The following ZNF775 variants were observed in gnomAD, a reference collection of about 807,000 sequenced individuals.
ZNF775 encodes zinc finger protein 775.
In ZNF775, 1 loss-of-function variant was observed where a neutral mutation model predicts 2.4. The ratio of observed to expected loss-of-function variants is 0.41; its 90% CI spans 0.15 to 1.94. The LOEUF is 1.94. Among genes scored for constraint, ZNF775 ranks in the 30% most tolerant of loss-of-function variants. The pLI is 0.30. For missense variants in ZNF775, 823 were observed against 826.6 expected (o/e 1.00, Z 0.05); for synonymous variants, 381 against 373.3 (o/e 1.02, Z -0.24).
chr7:150,388,549 A>T, intron 2 of ZNF775, 48 bp downstream of exon 2: 3 of 1,549,530 alleles, frequency 1.9e-6, no homozygotes, highest in Non-Finnish European at 2.6e-6. Context: ...TCCTCTGCTG[A>T]GGTCACGTGC....
chr7:150,395,428 C>A (rs1448832646), intron 2 of ZNF775, among the ~76,000 whole-genome samples: 1 of 152,104 alleles, frequency 6.6e-6, no homozygotes, highest in Non-Finnish European at 1.5e-5. Context: ...TACATGTAAA[C>A]CTTTTTGGAA....
chr7:150,385,860 G>C (rs1270020218), intron 1 of ZNF775, among the ~76,000 whole-genome samples: 1 of 152,210 alleles, frequency 6.6e-6, no homozygotes, highest in Admixed American at 6.5e-5. Context: ...ATGGAGACTG[G>C]GAGGCAGGGG....
intron 1 of ZNF775, among the ~76,000 whole-genome samples, chr7:150,381,957 G>T (rs1218800194): frequency 7.4e-6 from 1 of 135,198 alleles, no homozygotes; most frequent in African/African-American, 2.6e-5. Flanking sequence ...GTGGGTCATG[G>T]GGGGTGGGAC....
At chr7:150,383,149 G>A (rs1312467208) in intron 1 of ZNF775, among the ~76,000 whole-genome samples, 1 of 152,200 alleles carries the variant, frequency 6.6e-6, no homozygotes, top group Non-Finnish European at 1.5e-5. Context: ...GTATCTGGGT[G>A]TGTTTGTGTG....
At position 150,384,135 on chromosome 7, in the gene ZNF775, G is replaced by T. The variant is rs981630559; in HGVS notation, c.-49-4287G>T. 1.3e-5 allele frequency among the ~76,000 whole-genome samples: 2 copies of T among 152,220 alleles called. No individual in the cohort carries two copies. The highest frequency in any genetic ancestry group is 4.8e-5 in the African/African-American group (2 of 41,450). On this transcript the variant is annotated intron_variant, in intron 1 of 2. Coordinates refer to ENST00000329630, the MANE Select transcript of ZNF775 (RefSeq NM_173680.4). The surrounding 1 kb of genome is among the most constrained non-coding windows in gnomAD (Gnocchi z 4.1). ...TCTTAACTGAACTGCAGCCTGACCC[G>T]GTGCGCGGAGGGCCGGGCCAGGGCC...
chr7:150,388,425 G>A lies in ZNF775; in HGVS notation c.-46G>A, dbSNP rs1365234112. On this transcript the variant is annotated 5_prime_UTR_variant, in exon 2 of 3. Transcript: ENST00000329630. ...CTTCTGCTTCTCTTTCTGACAGATG[G>A]CAGGAAAGGGACACAGCCGGCGCTG... 2 of 1,551,116 alleles carry A rather than the reference G, an allele frequency of 1.3e-6. No individual in the cohort carries two copies. Among genetic ancestry groups the A allele is most frequent in the Admixed American group, 2.0e-5 (1 of 50,960 alleles).
At chr7:150,388,294 T>C in intron 1 of ZNF775, 128 bp from the exon 2 acceptor site, 1 of 653,614 alleles carries the variant, frequency 1.5e-6, no homozygotes, top group Non-Finnish European at 2.7e-6. Flanking sequence ...CCATGTCGAA[T>C]GTGGCTATGG....
At position 150,398,155 on chromosome 7, in the gene ZNF775, G is replaced by T; in HGVS notation, c.*60G>T. The T allele has an allele frequency of 3.9e-6, 6 of 1,523,090 alleles. No individual in the cohort carries two copies. The highest frequency in any genetic ancestry group is 5.3e-6 in the Non-Finnish European group (6 of 1,141,416). The allele number at this position is 1,523,090 out of a possible 1,614,324, so 94.3% of individuals were successfully genotyped here. A position where few individuals can be genotyped will look rare whatever the true frequency, so the allele number is the denominator to read the frequency against. ...GGGATGTTTGCGGGGTGTGTGTGGGGAGTGGGGGTGGCCAGGATTGCTGGC... is the reference window on the plus strand; with the variant it reads ...GGGATGTTTGCGGGGTGTGTGTGGGTAGTGGGGGTGGCCAGGATTGCTGGC... On this transcript the variant is annotated 3_prime_UTR_variant, in exon 3 of 3. Coordinates refer to ENST00000329630, the MANE Select transcript of ZNF775 (RefSeq NM_173680.4).
chr7:150,385,670 A>ACATTAC (rs1182796693), intron 1 of ZNF775, among the ~76,000 whole-genome samples: 1 of 152,238 alleles, frequency 6.6e-6, no homozygotes, highest in African/African-American at 2.4e-5. Context: ...AGAGGACTGG[A>ACATTAC]CATTACCATT....
intron 1 of ZNF775, among the ~76,000 whole-genome samples, chr7:150,387,588 C>T (rs539550591): frequency 3.9e-5 from 6 of 152,148 alleles, no homozygotes; most frequent in East Asian, 3.9e-4. Context: ...CTGAGGCGGG[C>T]GGATCATGAG....
In ZNF775 at chr7:150,398,199, C is replaced by T. The variant is rs938907776; in HGVS notation, c.*104C>T. On this transcript the variant is annotated 3_prime_UTR_variant, in exon 3 of 3. Coordinates refer to ENST00000329630, the MANE Select transcript of ZNF775 (RefSeq NM_173680.4). ...TGCTGGCTCTTAGAACCCCTTAGAG[C>T]GGGACCGGTGGATTCCTTAAGGCTC... 7 of 1,471,904 alleles carry T rather than the reference C, an allele frequency of 4.8e-6. No individual in the cohort carries two copies. The highest frequency in any genetic ancestry group is 4.9e-5 in the Admixed American group (2 of 40,976). 91.2% of individuals were successfully genotyped at this position (1,471,904 alleles called of 1,614,324 possible).
intron 1 of ZNF775, among the ~76,000 whole-genome samples, chr7:150,385,861 G>C (rs565462447): frequency 6.6e-6 from 1 of 152,300 alleles, no homozygotes; most frequent in East Asian, 1.9e-4. Flanking sequence ...TGGAGACTGG[G>C]AGGCAGGGGT....
In ZNF775 at chr7:150,396,725, G is replaced by A. The variant is rs1274092655; in HGVS notation, c.244G>A (p.Ala82Thr). The A allele has an allele frequency of 6.3e-7, 1 of 1,595,900 alleles. No homozygotes were observed. The highest frequency in any genetic ancestry group is 8.5e-7 in the Non-Finnish European group (1 of 1,171,800). ...GTGGGCCCCTCCCACTGAGCAGGATGCGGGGCTGGCAGGCCGGGCTCCCGG... is the reference window on the plus strand; with the variant it reads ...GTGGGCCCCTCCCACTGAGCAGGATACGGGGCTGGCAGGCCGGGCTCCCGG... ...PRWAPPTEQD[A>T]GLAGRAPGSA... Residue 82 changes from alanine (A) to threonine (T), a missense_variant, in exon 3 of 3, where the codon GCG (alanine) becomes ACG (threonine). By Grantham distance (58) the Ala-to-Thr change is moderately conservative (BLOSUM62 0). Coordinates refer to ENST00000329630, the MANE Select transcript of ZNF775 (RefSeq NM_173680.4).
chr7:150,385,247 C>T (rs911882134), intron 1 of ZNF775, among the ~76,000 whole-genome samples: 2 of 152,230 alleles, frequency 1.3e-5, no homozygotes, highest in African/African-American at 4.8e-5. Flanking sequence ...GGTAGGCATG[C>T]GTACAGGCCC....
At position 150,397,499 on chromosome 7, in the gene ZNF775, C is replaced by A; in HGVS notation, c.1018C>A (p.Pro340Thr). 1 of 1,580,760 alleles carries A rather than the reference C, an allele frequency of 6.3e-7. No homozygotes were observed. The highest frequency in any genetic ancestry group is 8.5e-7 in the Non-Finnish European group (1 of 1,170,462). Residue 340 changes from proline (P) to threonine (T), a missense_variant, in exon 3 of 3, where the codon CCG becomes ACG. Coordinates refer to ENST00000329630, the MANE Select transcript of ZNF775 (RefSeq NM_173680.4). ...NHTGERPHPC[P>T]HCGRGFRQKQ... ...CACAGGCGAGCGCCCGCACCCCTGC[C>A]CGCACTGTGGCCGCGGCTTCCGCCA...
In ZNF775 at chr7:150,384,574, C is replaced by T. The variant is rs1475356695; in HGVS notation, c.-49-3848C>T. ...GACACCTGCTGTGCCATTTCCCAGA[C>T]ATAGCCCACCTGAGCACACAGGTAG... On this transcript the variant is annotated intron_variant, in intron 1 of 2. Coordinates refer to ENST00000329630, the MANE Select transcript of ZNF775 (RefSeq NM_173680.4). The surrounding 1 kb of genome is among the most constrained non-coding windows in gnomAD (Gnocchi z 4.1). Among the ~76,000 whole-genome samples, 1 of 152,224 alleles carries T rather than the reference C, an allele frequency of 6.6e-6. No individual in the cohort carries two copies.
In ZNF775 at chr7:150,397,149, G is replaced by A. The variant is rs1353838205; in HGVS notation, c.668G>A (p.Gly223Asp). ...CGGGACCGCCAGGGCTCCCGCGCCG[G>A]CCTGCACGAGCTGATTCAGGACGCG... ...HARDRQGSRA[G>D]LHELIQDAAA... Residue 223 changes from glycine to aspartate, a missense_variant, in exon 3 of 3, where the codon GGC (glycine) becomes GAC (aspartate). Physicochemically the swap from Gly to Asp is moderately conservative, Grantham distance 94 (BLOSUM62 -1). Coordinates refer to ENST00000329630, the MANE Select transcript of ZNF775 (RefSeq NM_173680.4). The A allele has an allele frequency of 2.0e-6, 3 of 1,468,628 alleles. No homozygotes were observed. The highest frequency in any genetic ancestry group is 1.3e-5 in the South Asian group (1 of 75,638). The allele number at this position is 1,468,628 out of a possible 1,614,324, so 91.0% of individuals were successfully genotyped here.
rs1286841766 is a variant in ZNF775 at position 150,382,003 on chromosome 7, T to C, written c.-50+2611T>C. Among the ~76,000 whole-genome samples, 1 of 146,260 alleles carries C rather than the reference T, an allele frequency of 6.8e-6. No individual in the cohort carries two copies. The highest frequency in any genetic ancestry group is 1.5e-5 in the Non-Finnish European group (1 of 66,522). ...TGGGAGGCTTCAGGGTGCCTGATGC[T>C]GGGTGTGGGGATGGAGGCCTCCAGG... On this transcript the variant is annotated intron_variant, in intron 1 of 2. Coordinates refer to ENST00000329630, the MANE Select transcript of ZNF775 (RefSeq NM_173680.4). The surrounding 1 kb of genome is among the most constrained non-coding windows in gnomAD (Gnocchi z 4.6).
rs1490520536 is a variant in ZNF775, at chr7:150,382,849, CTGAGT to C, written c.-50+3459_-50+3463del. ...GTATGTTGCTTCTGTTTCTACCTCT[CTGAGT>C]TCTTTTCCTCGGAGCAAGTGACCCT... On this transcript the variant is annotated intron_variant, in intron 1 of 2. Transcript: ENST00000329630. The surrounding 1 kb of genome is among the most constrained non-coding windows in gnomAD (Gnocchi z 4.6). The C allele has an allele frequency of 6.6e-6, 1 of 152,364 alleles. No homozygotes were observed. Among genetic ancestry groups the C allele is most frequent in the Non-Finnish European group, 1.5e-5 (1 of 68,138 alleles). 9.4% of individuals were successfully genotyped at this position (152,364 alleles called of 1,614,324 possible). A position where few individuals can be genotyped will look rare whatever the true frequency, so the allele number is the denominator to read the frequency against.
Sources: allele counts gnomAD v4.1 joint callset (sites outside exome capture counted in the v4.1 genomes callset), GRCh38; gene constraint gnomAD v4.1.1; non-coding constraint Gnocchi (gnomAD v3.1); transcripts MANE v1.5; gene names NCBI Gene and HGNC (gene_info 2026-07-23, HGNC 2026-07-21).